The following ZNF723 variants were observed in gnomAD, a reference collection of about 807,000 sequenced individuals.
The protein encoded by ZNF723 is zinc finger protein 723, pseudogene.
Under a neutral mutation model 9.4 loss-of-function variants are expected in ZNF723, and 5 were observed. The observed-to-expected ratio is 0.53, with a 90% CI of 0.28 to 1.12. The LOEUF is 1.12. Among genes scored for constraint, ZNF723 ranks in the 50% most tolerant of loss-of-function variants. ZNF723 has a pLI of 0.10. For synonymous variants in ZNF723, 158 were observed against 168.8 expected (o/e 0.94, Z 0.49); for missense variants, 450 against 501.5 (o/e 0.90, Z 0.98).
At chr19:22,842,251 C>T (rs757161289) in intron 1 of ZNF723, among the ~76,000 whole-genome samples, 19 of 152,148 alleles carry the variant, frequency 1.2e-4, no homozygotes, top group Non-Finnish European at 2.4e-4. Context: ...GTGATCGACC[C>T]GCCTCGGCCT....
intron 1 of ZNF723, among the ~76,000 whole-genome samples, chr19:22,839,438 C>T (rs1967210130): frequency 6.6e-6 from 1 of 151,274 alleles, no homozygotes; most frequent in African/African-American, 2.4e-5. Flanking sequence ...CCTTTATCTC[C>T]ACAACCTTGC....
At chr19:22,839,466 GTTTTTTT>G (rs34691832) in intron 1 of ZNF723, among the ~76,000 whole-genome samples, 2 of 124,540 alleles carry the variant, frequency 1.6e-5, no homozygotes, top group East Asian at 4.6e-4. Context: ...TTTTTTTTTG[GTTTTTTT>G]TTTTTTTTTT....
intron 3 of ZNF723, among the ~76,000 whole-genome samples, chr19:22,855,610 A>G (rs1967466538): frequency 6.6e-6 from 1 of 152,208 alleles, no homozygotes; most frequent in African/African-American, 2.4e-5. Context: ...TGCAGTGCCA[A>G]TATACTTTTT....
the ZNF723 span, among the ~76,000 whole-genome samples, chr19:22,818,178 A>G: frequency 1.3e-5 from 2 of 152,264 alleles, no homozygotes; most frequent in Non-Finnish European, 2.9e-5. Flanking sequence ...CCATAGCAGC[A>G]TAAAGGTCTC....
At chr19:22,812,790 A>T in the ZNF723 span, among the ~76,000 whole-genome samples, 270 of 152,286 alleles carry the variant, frequency 1.8e-3, no homozygotes, top group Non-Finnish European at 2.6e-3. Flanking sequence ...TTCAGTTCAC[A>T]GGTGGGTTGG....
chr19:22,827,801 G>A (rs778404486), upstream of ZNF723, among the ~76,000 whole-genome samples: 7 of 152,100 alleles, frequency 4.6e-5, no homozygotes, highest in East Asian at 1.9e-4. Context: ...CAGGCCGGGC[G>A]TGGTGGCTCA....
At chr19:22,842,328 A>G (rs1186613064) in intron 1 of ZNF723, among the ~76,000 whole-genome samples, 1 of 152,098 alleles carries the variant, frequency 6.6e-6, no homozygotes, top group Non-Finnish European at 1.5e-5. Context: ...GTTTTTTTTA[A>G]TCTCTTAAAA....
chr19:22,826,170 C>G, the ZNF723 span, among the ~76,000 whole-genome samples: 5 of 152,086 alleles, frequency 3.3e-5, no homozygotes, highest in African/African-American at 1.2e-4. Context: ...TCACTAGGCC[C>G]AGCATTTAGG....
intron 1 of ZNF723, among the ~76,000 whole-genome samples, chr19:22,844,249 C>T (rs1016500750): frequency 1.3e-5 from 2 of 152,050 alleles, no homozygotes; most frequent in African/African-American, 4.8e-5. Context: ...GTTTTCTATT[C>T]CTGCAGATTC....
At chr19:22,834,381 T>A (rs756028150) in intron 1 of ZNF723, among the ~76,000 whole-genome samples, 1 of 152,184 alleles carries the variant, frequency 6.6e-6, no homozygotes, top group African/African-American at 2.4e-5. Context: ...TGTGTGTCTT[T>A]CTCTTTATCT....
chr19:22,822,037 G>A, the ZNF723 span, among the ~76,000 whole-genome samples: 3 of 152,304 alleles, frequency 2.0e-5, no homozygotes, highest in Admixed American at 6.5e-5. Context: ...TTGAACCCGG[G>A]TGGCAGAGGT....
the ZNF723 span, among the ~76,000 whole-genome samples, chr19:22,825,936 C>T: frequency 4.6e-5 from 7 of 152,134 alleles, no homozygotes; most frequent in Non-Finnish European, 7.4e-5. Context: ...GAGCAAATTA[C>T]GACATATTGC....
chr19:22,846,082 A>G (rs1238815267), intron 1 of ZNF723, among the ~76,000 whole-genome samples: 3 of 151,944 alleles, frequency 2.0e-5, no homozygotes, highest in Non-Finnish European at 4.4e-5. Context: ...TTCTTTTTAG[A>G]GCCTTTTCTA....
chr19:22,820,310 G>A, the ZNF723 span, among the ~76,000 whole-genome samples: 1 of 152,094 alleles, frequency 6.6e-6, no homozygotes, highest in African/African-American at 2.4e-5. Context: ...CCTAGGCCTT[G>A]TTCACAGGGA....
At chr19:22,838,604 C>T (rs1967199702) in intron 1 of ZNF723, among the ~76,000 whole-genome samples, 1 of 151,784 alleles carries the variant, frequency 6.6e-6, no homozygotes. Context: ...CATTAGTTTT[C>T]TAAGGATAAT....
the ZNF723 span, among the ~76,000 whole-genome samples, chr19:22,825,162 C>T: frequency 6.6e-6 from 1 of 152,162 alleles, no homozygotes; most frequent in African/African-American, 2.4e-5. Flanking sequence ...AATTGTGACT[C>T]TCATATGTGG....
rs988873101 is a variant in ZNF723, at chr19:22,857,233, A to T, written c.342A>T (p.Arg114Ser). The change falls in exon 4 of 4, where the codon AGA (arginine) becomes AGT (serine). Residue 114 changes from arginine to serine, a missense_variant. Arg to Ser is a moderately radical substitution (Grantham distance 110, BLOSUM62 -1). Coordinates refer to ENST00000600766, the MANE Select transcript of ZNF723 (RefSeq NM_001349726.2). ...GKYGHDNLQL[R>S]KGCESVDECK... ...ATGGACATGACAATTTACAATTAAGAAAAGGCTGTGAAAGTGTGGATGAGT... is the reference window on the plus strand; with the variant it reads ...ATGGACATGACAATTTACAATTAAGTAAAGGCTGTGAAAGTGTGGATGAGT... The T allele has an allele frequency of 2.4e-5, 21 of 877,252 alleles. No individual in the cohort carries two copies. The highest frequency in any genetic ancestry group is 3.6e-5 in the Non-Finnish European group (19 of 524,406). The allele number at this position is 877,252 out of a possible 1,614,324, so 54.3% of individuals were successfully genotyped here. A position where few individuals can be genotyped will look rare whatever the true frequency, so the allele number is the denominator to read the frequency against.
At chr19:22,821,260 G>A in the ZNF723 span, among the ~76,000 whole-genome samples, 7 of 152,106 alleles carry the variant, frequency 4.6e-5, no homozygotes, top group Non-Finnish European at 1.0e-4. Flanking sequence ...TCCAGCACCT[G>A]AGTGATTTGA....
intron 3 of ZNF723, among the ~76,000 whole-genome samples, chr19:22,849,911 A>G (rs991354725): frequency 3.9e-5 from 6 of 152,148 alleles, no homozygotes; most frequent in Non-Finnish European, 5.9e-5. Context: ...GTCCATCTCA[A>G]AAGTAAAAAA....
Sources: allele counts gnomAD v4.1 joint callset (sites outside exome capture counted in the v4.1 genomes callset), GRCh38; gene constraint gnomAD v4.1.1; transcripts MANE v1.5; gene names NCBI Gene and HGNC (gene_info 2026-07-23, HGNC 2026-07-21).